The following DDX31 variants were observed in gnomAD, a reference collection of about 807,000 sequenced individuals.
DDX31 encodes the protein ATP-dependent DNA helicase DDX31.
A neutral mutation model predicts 91.3 loss-of-function variants in DDX31; 70 were observed. The ratio of observed to expected loss-of-function variants is 0.77; its 90% confidence interval spans 0.63 to 0.94. The LOEUF (loss-of-function observed/expected upper bound fraction) is 0.94. Ranked by LOEUF, DDX31 falls within the 40% of genes least tolerant of loss-of-function variation. The pLI is 0.00. For missense variants in DDX31, 902 were observed against 925.0 expected (o/e 0.98, Z 0.32); for synonymous variants, 362 against 350.6 (o/e 1.03, Z -0.36).
At chr9:132,628,282 G>A (rs1223776003) in intron 16 of DDX31, among the ~76,000 whole-genome samples, 1 of 152,148 alleles carries the variant, frequency 6.6e-6, no homozygotes, top group African/African-American at 2.4e-5. Context: ...CCCTCCTCAC[G>A]CAAATGCTCT....
chr9:132,658,310 C>T, intron 6 of DDX31: 1 of 703,336 alleles, frequency 1.4e-6, no homozygotes, highest in African/African-American at 1.7e-5. Context: ...GGTTATTTAA[C>T]TTTCCTAAGC....
intron 6 of DDX31, chr9:132,658,004 C>A: frequency 3.1e-6 from 1 of 324,704 alleles, no homozygotes; most frequent in Non-Finnish European, 5.6e-6. Context: ...CCTTCTTGGT[C>A]AAAAGCAAAC....
At chr9:132,667,349 C>G (rs1332713268) in intron 1 of DDX31, among the ~76,000 whole-genome samples, 1 of 151,758 alleles carries the variant, frequency 6.6e-6, no homozygotes, top group Non-Finnish European at 1.5e-5. Context: ...GCCTGTAATC[C>G]CAGCACTGTG....
intron 6 of DDX31, among the ~76,000 whole-genome samples, chr9:132,652,786 G>C (rs918350479): frequency 6.6e-6 from 1 of 152,194 alleles, no homozygotes; most frequent in Non-Finnish European, 1.5e-5. Flanking sequence ...AGTCTCACGA[G>C]ATCTGATGGG....
chr9:132,627,257 G>A (rs148535905), intron 16 of DDX31, among the ~76,000 whole-genome samples: 213 of 152,302 alleles, frequency 1.4e-3, no homozygotes, highest in African/African-American at 4.5e-3. Flanking sequence ...TCTCAAATGC[G>A]TGTGCTGATA....
At chr9:132,659,849 A>G in intron 4 of DDX31, 69 bp from the exon 5 acceptor site, 1 of 1,487,978 alleles carries the variant, frequency 6.7e-7, no homozygotes, top group Non-Finnish European at 9.3e-7. Context: ...CGCAGGATAC[A>G]TAAAAGGCAA....
intron 16 of DDX31, among the ~76,000 whole-genome samples, chr9:132,627,186 A>C (rs1832449201): frequency 1.3e-5 from 2 of 152,248 alleles, no homozygotes; most frequent in African/African-American, 4.8e-5. Context: ...AGAAAAGAGT[A>C]ATGCCGTTTG....
chr9:132,595,064 G>T lies in DDX31; in HGVS notation c.2043C>A (p.Ile681=). The T allele has an allele frequency of 6.2e-7, 1 of 1,614,216 alleles. No homozygotes were observed. The highest frequency in any genetic ancestry group is 8.5e-7 in the Non-Finnish European group (1 of 1,180,034). The change falls in exon 20 of 20, where the codon ATC becomes ATA. Residue 681 remains isoleucine (I), a synonymous_variant. Transcript: ENST00000372159. The surrounding 1 kb of genome is among the most constrained non-coding windows in gnomAD (Gnocchi z 4.6). ...KTQSKHSLAE[I]LRSEYSSGME... ...TGCCGCTTGAGTATTCCGAACGTAG[G>T]ATTTCAGCGAGGCTGTGTTTACTCT...
chr9:132,651,256 A>AT, intron 7 of DDX31, 140 bp from the exon 8 acceptor site: 1 of 684,564 alleles, frequency 1.5e-6, no homozygotes, highest in Non-Finnish European at 2.4e-6. Flanking sequence ...CACAGAATCT[A>AT]ATATACCTTG....
intron 1 of DDX31, among the ~76,000 whole-genome samples, chr9:132,664,716 C>CAAA (rs10668095): frequency 0.027 from 2,639 of 97,222 alleles, 122 homozygotes; most frequent in East Asian, 0.17. Context: ...GACCCTCGCT[C>CAAA]AAAAAAAAAA....
chr9:132,669,515 G>T lies in DDX31; in HGVS notation c.75+345C>A, dbSNP rs186197711. ...TAGTCCGCACTCAGTCGAGGAAACT[G>T]GCTTAGAGAAGTTAAGCTTTGGCCT... On this transcript the variant is annotated intron_variant, in intron 1 of 19. Coordinates refer to ENST00000372159, the MANE Select transcript of DDX31 (RefSeq NM_022779.9). 2.7e-5 allele frequency: 36 copies of T among 1,317,650 alleles called. No individual in the cohort carries two copies. In the East Asian group the frequency reaches 1.2e-3, roughly 45 times the overall value. 81.6% of individuals were successfully genotyped at this position (1,317,650 alleles called of 1,614,324 possible).
chr9:132,646,028 T>C lies in DDX31; in HGVS notation c.1247A>G (p.Glu416Gly). ...GAGGCTGTAGTGGAACTCCACCAGC[T>C]CGCAACTTGAGAAAAAGACAACCAT... ...QKMVVFFSSC[E>G]LVEFHYSLFL... Residue 416 changes from glutamate to glycine, a missense_variant, in exon 13 of 20, where the codon GAG (glutamate) becomes GGG (glycine). Glu to Gly is a moderately conservative substitution (Grantham distance 98, BLOSUM62 -2). Transcript: ENST00000372159. 6.2e-7 allele frequency: 1 copy of C among 1,614,096 alleles called. No individual in the cohort carries two copies. The highest frequency in any genetic ancestry group is 8.5e-7 in the Non-Finnish European group (1 of 1,180,004).
chr9:132,648,398 C>T (rs1208206476), intron 10 of DDX31, 34 bp downstream of exon 10: 1 of 1,610,992 alleles, frequency 6.2e-7, no homozygotes, highest in African/African-American at 1.3e-5. Context: ...CAGCCCTTCT[C>T]TTCTACCTGT....
rs758981446 is a variant in DDX31 at position 132,645,884 on chromosome 9, T to C, written c.1380+11A>G. 1.9e-6 allele frequency: 3 copies of C among 1,604,910 alleles called. No homozygotes were observed. Among genetic ancestry groups the C allele is most frequent in the Non-Finnish European group, 1.7e-6 (2 of 1,173,848 alleles). Reference sequence around the variant, plus strand: ...GCAGTGTTGTCGCTGCACAGGGAGATCAGTGCTCACCTCCTGCTCCATGCC... The same window carrying C: ...GCAGTGTTGTCGCTGCACAGGGAGACCAGTGCTCACCTCCTGCTCCATGCC... On this transcript the variant is annotated intron_variant, in intron 13 of 19. Transcript: ENST00000372159.
At chr9:132,643,012 C>G (rs759143555) in intron 13 of DDX31, among the ~76,000 whole-genome samples, 2 of 152,048 alleles carry the variant, frequency 1.3e-5, no homozygotes, top group Non-Finnish European at 2.9e-5. Flanking sequence ...TCTGAAGAGA[C>G]GAGGTTTTGC....
intron 19 of DDX31, among the ~76,000 whole-genome samples, chr9:132,606,639 A>G (rs1831041946): frequency 6.6e-6 from 1 of 152,152 alleles, no homozygotes; most frequent in African/African-American, 2.4e-5. Context: ...GGGCGACTTG[A>G]GTACCTCCCT....
Position 132,630,302 on chromosome 9 carries a change from C to T in DDX31, c.1593G>A (p.Glu531=), listed in dbSNP as rs761033105. The T allele has an allele frequency of 1.3e-6, 2 of 1,593,918 alleles. No individual in the cohort carries two copies. The highest frequency in any genetic ancestry group is 1.7e-6 in the Non-Finnish European group (2 of 1,163,558). The change falls in exon 16 of 20, where the codon GAG becomes GAA. Residue 531 remains glutamate (E), a synonymous_variant. Coordinates refer to ENST00000372159, the MANE Select transcript of DDX31 (RefSeq NM_022779.9). The part of the protein sequence containing the change: ...GSSLLILAPS[E]AEYVNSLASH... Reference sequence around the variant, plus strand: ...AAGCCAACGAGTTGACATATTCTGCCTCCGAAGGAGCCAAAATGAGCAGGC... The same window carrying T: ...AAGCCAACGAGTTGACATATTCTGCTTCCGAAGGAGCCAAAATGAGCAGGC...
chr9:132,612,306 G>C, intron 18 of DDX31, 51 bp from the exon 19 acceptor site: 2 of 1,607,990 alleles, frequency 1.2e-6, no homozygotes, highest in Non-Finnish European at 1.7e-6. Context: ...GGGTCTCCAA[G>C]CTCCAAAGTG....
intron 1 of DDX31, among the ~76,000 whole-genome samples, chr9:132,665,328 C>G (rs1211686391): frequency 1.3e-5 from 2 of 152,190 alleles, no homozygotes; most frequent in African/African-American, 2.4e-5. Flanking sequence ...TGTCAAGAAG[C>G]TTCGTTCTGA....
Sources: gnomAD v4.1 joint callset for allele counts (sites outside exome capture counted in the v4.1 genomes callset) on GRCh38, gnomAD v4.1.1 for gene constraint, Gnocchi (gnomAD v3.1) non-coding constraint, MANE v1.5 for transcripts, NCBI Gene and HGNC (gene_info 2026-07-23, HGNC 2026-07-21) for gene names.